Variants in SCFD2 observed in about 807,000 individuals in gnomAD.
SCFD2 encodes sec1 family domain containing 2, also known as sec1 family domain-containing protein 2.
Under a neutral mutation model 58.9 loss-of-function variants are expected in SCFD2, and 54 were observed. The ratio of observed to expected loss-of-function variants is 0.92; its 90% CI spans 0.74 to 1.15. The LOEUF (loss-of-function observed/expected upper bound fraction) is 1.15, where lower values mean the gene tolerates loss of function less well. SCFD2 is among the 50% of genes most tolerant of loss of function. The pLI, the probability that SCFD2 is intolerant of heterozygous loss-of-function variation, is 0.00. For missense variants in SCFD2, 805 were observed against 836.6 expected, an observed-to-expected ratio of 0.96 and a Z score of 0.47; for synonymous variants, 321 against 335.9, an observed-to-expected ratio of 0.96 and a Z score of 0.49.
At chr4:53,022,750 G>C (rs960109314) in intron 5 of SCFD2, among the ~76,000 whole-genome samples, 3 of 152,276 alleles carry the variant, frequency 2.0e-5, no homozygotes, top group African/African-American at 7.2e-5. Flanking sequence ...TGGTTGGTTG[G>C]CTAGAAGAAA....
chr4:52,898,304 T>C (rs180986438), intron 7 of SCFD2, among the ~76,000 whole-genome samples: 6 of 152,334 alleles, frequency 3.9e-5, no homozygotes, highest in Admixed American at 1.3e-4. Flanking sequence ...CTATAAATTT[T>C]CCTCTACACA....
chr4:53,339,546 G>C (rs1351926815), intron 2 of SCFD2, among the ~76,000 whole-genome samples: 1 of 152,142 alleles, frequency 6.6e-6, no homozygotes, highest in African/African-American at 2.4e-5. Context: ...GAGGCGGGCA[G>C]ATCACCTGAG....
At chr4:52,913,973 G>T (rs1049588967) in intron 6 of SCFD2, among the ~76,000 whole-genome samples, 7 of 152,222 alleles carry the variant, frequency 4.6e-5, no homozygotes, top group African/African-American at 1.4e-4. Flanking sequence ...ACACAGGATG[G>T]TCTCTGCCAT....
At chr4:53,238,982 C>G (rs1391395155) in intron 4 of SCFD2, among the ~76,000 whole-genome samples, 3 of 152,068 alleles carry the variant, frequency 2.0e-5, no homozygotes, top group African/African-American at 7.2e-5. Flanking sequence ...AGGCTGCAAT[C>G]TCGGCACTTT....
chr4:53,257,903 CA>C (rs1351944489), intron 4 of SCFD2, among the ~76,000 whole-genome samples: 1 of 151,216 alleles, frequency 6.6e-6, no homozygotes, highest in African/African-American at 2.4e-5. Context: ...AAAAAAATAG[CA>C]AAAAAGATAC....
intron 1 of SCFD2, among the ~76,000 whole-genome samples, chr4:53,361,415 G>A (rs1279840225): frequency 6.6e-6 from 1 of 151,990 alleles, no homozygotes; most frequent in Non-Finnish European, 1.5e-5. Context: ...TTATTTATTC[G>A]AGACAAGGTC....
intron 4 of SCFD2, among the ~76,000 whole-genome samples, chr4:53,223,406 T>C (rs1323907288): frequency 1.3e-5 from 2 of 152,218 alleles, no homozygotes; most frequent in Non-Finnish European, 2.9e-5. Flanking sequence ...ATATTCTGTT[T>C]CTTGGTTATC....
intron 5 of SCFD2, among the ~76,000 whole-genome samples, chr4:53,124,454 T>C (rs1725568769): frequency 6.6e-6 from 1 of 152,084 alleles, no homozygotes; most frequent in Non-Finnish European, 1.5e-5. Context: ...CAGTTCCAAA[T>C]ATGTAGGTGT....
intron 3 of SCFD2, among the ~76,000 whole-genome samples, chr4:53,279,400 G>A (rs1198210875): frequency 6.6e-6 from 1 of 152,152 alleles, no homozygotes; most frequent in Non-Finnish European, 1.5e-5. Flanking sequence ...ACAGGTGTGA[G>A]CCACCATACC....
intron 5 of SCFD2, among the ~76,000 whole-genome samples, chr4:53,069,907 T>C (rs911294348): frequency 9.2e-5 from 14 of 152,076 alleles, no homozygotes; most frequent in African/African-American, 3.4e-4. Flanking sequence ...CATATACATC[T>C]TTCTGTATCA....
At chr4:53,021,612 G>GC (rs1722351993) in intron 5 of SCFD2, among the ~76,000 whole-genome samples, 2 of 151,994 alleles carry the variant, frequency 1.3e-5, no homozygotes, top group Admixed American at 1.3e-4. Context: ...CTCCAGGGGC[G>GC]CAGCGGCAAG....
chr4:53,294,394 G>C (rs1008618896), intron 3 of SCFD2, among the ~76,000 whole-genome samples: 2 of 152,206 alleles, frequency 1.3e-5, no homozygotes, highest in Non-Finnish European at 2.9e-5. Flanking sequence ...CTGATGACCA[G>C]TGATAATGAG....
intron 3 of SCFD2, among the ~76,000 whole-genome samples, chr4:53,278,535 A>C (rs1731407050): frequency 6.6e-6 from 1 of 152,064 alleles, no homozygotes; most frequent in African/African-American, 2.4e-5. Flanking sequence ...TCTCAAAAAA[A>C]AAAAAAAAGT....
chr4:53,116,053 G>A (rs540042576), intron 5 of SCFD2, among the ~76,000 whole-genome samples: 3 of 152,232 alleles, frequency 2.0e-5, no homozygotes, highest in Admixed American at 6.5e-5. Context: ...TGGCCAATCA[G>A]AACACAGGAT....
At chr4:53,056,998 C>T (rs1306710773) in intron 5 of SCFD2, among the ~76,000 whole-genome samples, 1 of 152,108 alleles carries the variant, frequency 6.6e-6, no homozygotes, top group African/African-American at 2.4e-5. Flanking sequence ...GCCTGGCCAA[C>T]ATGGTGAAAC....
chr4:53,178,999 G>C (rs1008579215), intron 4 of SCFD2, among the ~76,000 whole-genome samples: 3 of 152,346 alleles, frequency 2.0e-5, no homozygotes, highest in African/African-American at 7.2e-5. Flanking sequence ...ATGGGACTCT[G>C]TGAAAAGAGC....
intron 4 of SCFD2, among the ~76,000 whole-genome samples, chr4:53,270,922 T>C (rs1212779219): frequency 6.6e-6 from 1 of 152,116 alleles, no homozygotes; most frequent in African/African-American, 2.4e-5. Context: ...AAAAGATGAG[T>C]GTATTTTGGC....
chr4:53,180,797 G>A (rs187843642), intron 4 of SCFD2, among the ~76,000 whole-genome samples: 2,786 of 151,878 alleles, frequency 0.018, 92 homozygotes, highest in African/African-American at 0.064. Flanking sequence ...TCAAACAGAC[G>A]CAATAAAAAA....
At chr4:52,982,079 T>C (rs1721389285) in intron 5 of SCFD2, among the ~76,000 whole-genome samples, 1 of 152,198 alleles carries the variant, frequency 6.6e-6, no homozygotes. Flanking sequence ...GGGTGGATAA[T>C]GGTACTGTTT....
Sources: gnomAD v4.1 joint callset for allele counts (sites outside exome capture counted in the v4.1 genomes callset) on GRCh38, gnomAD v4.1.1 for gene constraint, MANE v1.5 for transcripts, NCBI Gene and HGNC (gene_info 2026-07-23, HGNC 2026-07-21) for gene names.